The following FKBP7 variants were observed in gnomAD, a reference collection of about 807,000 sequenced individuals.
The protein encoded by FKBP7 is FKBP prolyl isomerase 7.
In FKBP7, 24 loss-of-function variants were observed where a neutral mutation model predicts 24.3. That is an observed-to-expected ratio of 0.99 (90% CI 0.72 to 1.39). FKBP7 has a LOEUF of 1.39. Ranked by LOEUF, FKBP7 falls within the 40% of genes most tolerant of loss-of-function variation. FKBP7 has a pLI of 0.00. For synonymous variants in FKBP7, 98 were observed against 92.8 expected (o/e 1.06, Z -0.32); for missense variants, 257 against 269.5 (o/e 0.95, Z 0.33).
Position 178,465,738 on chromosome 2 carries a change from A to G in FKBP7, c.*32T>C. On this transcript the variant is annotated 3_prime_UTR_variant, in exon 4 of 4. Transcript: ENST00000424785. ...GTTTTATACATAAAGTACAGTAAAT[A>G]GCTAAAAAAAAAAAGTAGAAATACA... The G allele has an allele frequency of 6.6e-7, 1 of 1,512,252 alleles. No homozygotes were observed. Among genetic ancestry groups the G allele is most frequent in the Non-Finnish European group, 8.8e-7 (1 of 1,137,926 alleles). 93.7% of individuals were successfully genotyped at this position (1,512,252 alleles called of 1,614,324 possible).
At chr2:178,466,224 A>G (rs916314359) in intron 3 of FKBP7, among the ~76,000 whole-genome samples, 3 of 152,196 alleles carry the variant, frequency 2.0e-5, no homozygotes, top group Non-Finnish European at 4.4e-5. Flanking sequence ...CTAATAATCC[A>G]TGCTGTTCCT....
intron 2 of FKBP7, among the ~76,000 whole-genome samples, chr2:178,476,317 C>G (rs1384803355): frequency 6.6e-6 from 1 of 152,172 alleles, no homozygotes; most frequent in African/African-American, 2.4e-5. Flanking sequence ...TTTATTTCAT[C>G]TATCATTTTT....
Position 178,478,336 on chromosome 2 carries a change from A to AG in FKBP7, c.163dup (p.Leu55ProfsTer7). On this transcript the variant is annotated frameshift_variant, in exon 1 of 4. Transcript: ENST00000424785. LOFTEE classifies it high-confidence loss of function. ...GTAGCCGTCATAATGGGCATTTAGT[A>AG]GGTCTCCCTTCTTGCTTGTCTTAGA... The AG allele has an allele frequency of 6.2e-7, 1 of 1,614,170 alleles. No individual in the cohort carries two copies. The highest frequency in any genetic ancestry group is 2.2e-5 in the East Asian group (1 of 44,874).
intron 2 of FKBP7, among the ~76,000 whole-genome samples, chr2:178,473,940 T>C (rs189570511): frequency 2.0e-4 from 30 of 152,212 alleles, no homozygotes; most frequent in Admixed American, 3.3e-4. Context: ...CAAAAAGCAT[T>C]AAAAATAAAG....
At chr2:178,475,705 G>T (rs1684981069) in intron 2 of FKBP7, among the ~76,000 whole-genome samples, 1 of 152,084 alleles carries the variant, frequency 6.6e-6, no homozygotes, top group Non-Finnish European at 1.5e-5. Context: ...TATTCTCATA[G>T]ACTTAAAGGC....
At chr2:178,472,642 AG>A (rs1684879595) in intron 2 of FKBP7, among the ~76,000 whole-genome samples, 1 of 151,810 alleles carries the variant, frequency 6.6e-6, no homozygotes, top group Admixed American at 6.5e-5. Flanking sequence ...GCTGGCCAGG[AG>A]TTCGAGACCA....
At position 178,465,323 on chromosome 2, in the gene FKBP7, A is replaced by C. The variant is rs1684622718; in HGVS notation, c.*447T>G. 1 of 152,362 alleles carries C rather than the reference A, an allele frequency of 6.6e-6. No individual in the cohort carries two copies. The highest frequency in any genetic ancestry group is 2.1e-4 in the South Asian group (1 of 4,832). The allele number at this position is 152,362 out of a possible 1,614,324, so 9.4% of individuals were successfully genotyped here. A position where few individuals can be genotyped will look rare whatever the true frequency, so the allele number is the denominator to read the frequency against. On this transcript the variant is annotated 3_prime_UTR_variant, in exon 4 of 4. Transcript: ENST00000424785. Reference sequence around the variant, plus strand: ...ATATCGTCTTCATAATGTTATAAAAATGTATAAACAAGTGAAATGCTAATT... The same window carrying C: ...ATATCGTCTTCATAATGTTATAAAACTGTATAAACAAGTGAAATGCTAATT...
At chr2:178,475,620 T>C (rs1684979288) in intron 2 of FKBP7, among the ~76,000 whole-genome samples, 1 of 152,228 alleles carries the variant, frequency 6.6e-6, no homozygotes, top group Admixed American at 6.5e-5. Flanking sequence ...TTTTGCCAAG[T>C]TGTTTTGTGT....
chr2:178,466,014 A>G (rs1684647137), intron 3 of FKBP7, 83 bp from the exon 4 acceptor site: 12 of 1,171,668 alleles, frequency 1.0e-5, no homozygotes, highest in Non-Finnish European at 1.4e-5. Flanking sequence ...TATAATAATG[A>G]AACTCATGTG....
At chr2:178,466,509 T>C (rs935982041) in intron 3 of FKBP7, among the ~76,000 whole-genome samples, 1 of 152,114 alleles carries the variant, frequency 6.6e-6, no homozygotes, top group Admixed American at 6.5e-5. Context: ...TTAAAAGTAT[T>C]GTCCAATATA....
At position 178,478,521 on chromosome 2, in the gene FKBP7, C is replaced by G. The variant is rs574435335; in HGVS notation, c.-22G>C. On this transcript the variant is annotated 5_prime_UTR_variant, in exon 1 of 4. Coordinates refer to ENST00000424785, the MANE Select transcript of FKBP7 (RefSeq NM_181342.3). ...GCATCGGCTCCAGCAGAACACTGCT[C>G]TCCCTCCCGCGTGTCACTCGCGCCC... 4 of 1,612,122 alleles carry G rather than the reference C, an allele frequency of 2.5e-6. No homozygotes were observed. Among genetic ancestry groups the G allele is most frequent in the African/African-American group, 2.7e-5 (2 of 74,890 alleles).
chr2:178,475,729 T>G (rs1229538559), intron 2 of FKBP7, among the ~76,000 whole-genome samples: 1 of 152,242 alleles, frequency 6.6e-6, no homozygotes, highest in Non-Finnish European at 1.5e-5. Context: ...TTGTAGTTTT[T>G]TGTTAGTGGG....
At chr2:178,468,269 CTAAG>C (rs777477396) in intron 3 of FKBP7, among the ~76,000 whole-genome samples, 16 of 152,044 alleles carry the variant, frequency 1.1e-4, no homozygotes, top group Non-Finnish European at 2.1e-4. Context: ...GTCAGTGGGA[CTAAG>C]TAAGACATTA....
chr2:178,478,537 ACT>A lies in FKBP7; in HGVS notation c.-40_-39del. 6.2e-7 allele frequency: 1 copy of A among 1,608,308 alleles called. No homozygotes were observed. Among genetic ancestry groups the A allele is most frequent in the Non-Finnish European group, 8.5e-7 (1 of 1,177,558 alleles). On this transcript the variant is annotated 5_prime_UTR_variant, in exon 1 of 4. Transcript: ENST00000424785. The stretch of plus-strand genomic sequence containing the variant: ...AACACTGCTCTCCCTCCCGCGTGTC[ACT>A]CGCGCCCCGTGGATGTCCCGCGGCC...
At chr2:178,476,976 C>G in intron 2 of FKBP7, 86 bp downstream of exon 2, 1 of 976,072 alleles carries the variant, frequency 1.0e-6, no homozygotes, top group African/African-American at 1.7e-5. Flanking sequence ...ACTGTGCTTT[C>G]AATTCTTTCA....
In FKBP7 at chr2:178,478,277, A is replaced by G. The variant is rs750198406; in HGVS notation, c.221+2T>C. The G allele has an allele frequency of 1.1e-5, 18 of 1,613,822 alleles. No individual in the cohort carries two copies. Among genetic ancestry groups the G allele is most frequent in the Non-Finnish European group, 1.5e-5 (18 of 1,179,986 alleles). Reference sequence around the variant, plus strand: ...GCACGGGCAGCTCGCAGCATTTCCTACCTGCAGTAGAATTTCGAGCCGTCT... The same window carrying G: ...GCACGGGCAGCTCGCAGCATTTCCTGCCTGCAGTAGAATTTCGAGCCGTCT... On this transcript the variant is annotated splice_donor_variant, in intron 1 of 3. Coordinates refer to ENST00000424785, the MANE Select transcript of FKBP7 (RefSeq NM_181342.3). LOFTEE classifies it high-confidence loss of function.
In FKBP7 at chr2:178,463,788, T is replaced by G. The variant is rs1055858221; in HGVS notation, c.*1982A>C. 3 of 152,200 alleles carry G rather than the reference T, an allele frequency of 2.0e-5. No homozygotes were observed. The highest frequency in any genetic ancestry group is 4.4e-5 in the Non-Finnish European group (3 of 68,028). The allele number at this position is 152,200 out of a possible 1,614,324, so 9.4% of individuals were successfully genotyped here. ...AAAACAAGTTTAAAAGCACTTTGTATGATAATGGGACAAAAAAATTAGAAT... is the reference window on the plus strand; with the variant it reads ...AAAACAAGTTTAAAAGCACTTTGTAGGATAATGGGACAAAAAAATTAGAAT... On this transcript the variant is annotated 3_prime_UTR_variant, in exon 4 of 4. Transcript: ENST00000424785.
At chr2:178,466,640 G>A (rs1449885541) in intron 3 of FKBP7, among the ~76,000 whole-genome samples, 1 of 152,012 alleles carries the variant, frequency 6.6e-6, no homozygotes, top group Admixed American at 6.6e-5. Context: ...TTATCTCATT[G>A]ATAATTTTAC....
chr2:178,466,066 A>G (rs1054712098), intron 3 of FKBP7, 135 bp from the exon 4 acceptor site: 1 of 702,606 alleles, frequency 1.4e-6, no homozygotes, highest in Admixed American at 3.5e-5. Context: ...ATGAAAAGCT[A>G]TTTGAGGTTT....
Sources: allele counts gnomAD v4.1 joint callset (sites outside exome capture counted in the v4.1 genomes callset), GRCh38; gene constraint gnomAD v4.1.1; transcripts MANE v1.5; gene names NCBI Gene and HGNC (gene_info 2026-07-23, HGNC 2026-07-21).